The following SPEG variants were observed in gnomAD, a reference collection of about 807,000 sequenced individuals.
The protein encoded by SPEG is striated muscle preferentially expressed protein kinase.
SPEG carries 114 observed loss-of-function variants against 300.4 expected under a neutral mutation model. The observed-to-expected ratio is 0.38, with a 90% confidence interval of 0.33 to 0.44. SPEG has a LOEUF of 0.44. Ranked by LOEUF, SPEG falls within the 20% of genes least tolerant of loss-of-function variation. The pLI is 1.00. For missense variants in SPEG, 4,201 were observed against 4,586.2 expected (o/e 0.92, Z 2.43); for synonymous variants, 1,964 against 2,018.9 (o/e 0.97, Z 0.73).
At position 219,492,824 on chromosome 2, in the gene SPEG, G is replaced by T; in HGVS notation, c.*38G>T. The T allele has an allele frequency of 1.3e-6, 2 of 1,537,002 alleles. No individual in the cohort carries two copies. Among genetic ancestry groups the T allele is most frequent in the Non-Finnish European group, 1.7e-6 (2 of 1,145,332 alleles). On this transcript the variant is annotated 3_prime_UTR_variant, in exon 41 of 41. Transcript: ENST00000312358. ...CAGCCAGGCCTCGGGCTTCAACTGG[G>T]GTTCCCACCAATGCCACGGGACATT...
intron 6 of SPEG, among the ~76,000 whole-genome samples, chr2:219,456,514 CG>C (rs1311641362): frequency 6.6e-6 from 1 of 152,224 alleles, no homozygotes; most frequent in African/African-American, 2.4e-5. Context: ...GTACCTAGAA[CG>C]GGGGCCATCA....
chr2:219,437,065 GC>G (rs1385087613), intron 1 of SPEG, among the ~76,000 whole-genome samples: 1 of 152,074 alleles, frequency 6.6e-6, no homozygotes, highest in East Asian at 1.9e-4. Context: ...GACACTGTGG[GC>G]CAAAGATCAG....
At chr2:219,486,817 C>G (rs1186422388) in intron 31 of SPEG, among the ~76,000 whole-genome samples, 2 of 152,112 alleles carry the variant, frequency 1.3e-5, no homozygotes, top group Non-Finnish European at 2.9e-5. Context: ...CTCTCTCTCT[C>G]CCTGCTACCC....
chr2:219,490,169 C>T (rs1056239532), intron 36 of SPEG, among the ~76,000 whole-genome samples: 2 of 152,248 alleles, frequency 1.3e-5, no homozygotes, highest in African/African-American at 2.4e-5. Context: ...ATTAGCATCA[C>T]CCATTTCACA....
rs1179177859 is a variant in SPEG, at chr2:219,485,361, G to A, written c.7625G>A (p.Arg2542Gln). 3 of 1,606,202 alleles carry A rather than the reference G, an allele frequency of 1.9e-6. No individual in the cohort carries two copies. Among genetic ancestry groups the A allele is most frequent in the East Asian group, 2.2e-5 (1 of 44,508 alleles). ...GTCTTCACAGCCCCAGGGGAAAGCC[G>A]AAGCCGGCTCCGCTGGGGCTTCTCT... The part of the protein sequence containing the change: ...TSGSSAPGES[R>Q]SRLRWGFSRP... The change falls in exon 31 of 41, where the codon CGA becomes CAA. Residue 2542 changes from arginine to glutamine, a missense_variant. By Grantham distance (43) the Arg-to-Gln change is conservative. Transcript: ENST00000312358.
At position 219,445,907 on chromosome 2, in the gene SPEG, G is replaced by A. The variant is rs1044773046; in HGVS notation, c.815+746G>A. On this transcript the variant is annotated intron_variant, in intron 3 of 40. Transcript: ENST00000312358. The surrounding 1 kb of genome is among the most constrained non-coding windows in gnomAD (Gnocchi z 6.1). ...TGTCCCAGGAGGGGGTGTGAGGAGC[G>A]GAGGTGTTGGAGGCACTGGAGCCAT... is the stretch of plus-strand genomic sequence containing the variant. Among the ~76,000 whole-genome samples the A allele has an allele frequency of 5.3e-5, 8 of 152,158 alleles. No individual in the cohort carries two copies. Among genetic ancestry groups the A allele is most frequent in the Non-Finnish European group, 8.8e-5 (6 of 68,030 alleles).
intron 18 of SPEG, chr2:219,474,378 C>CAA (rs35320747): frequency 1.1e-4 from 11 of 98,920 alleles, no homozygotes; most frequent in Admixed American, 2.2e-4. Flanking sequence ...AACTCTGTCT[C>CAA]AAAAAAAAAA....
rs1251677933 is a variant in SPEG, at chr2:219,484,809, C to T, written c.7346C>T (p.Pro2449Leu). 3 of 1,490,006 alleles carry T rather than the reference C, an allele frequency of 2.0e-6. No homozygotes were observed. Among genetic ancestry groups the T allele is most frequent in the Non-Finnish European group, 2.7e-6 (3 of 1,128,830 alleles). The allele number at this position is 1,490,006 out of a possible 1,614,324, so 92.3% of individuals were successfully genotyped here. A position where few individuals can be genotyped will look rare whatever the true frequency, so the allele number is the denominator to read the frequency against. The part of the protein sequence containing the change: ...SEGGSSARGS[P>L]VLAMRRRLSF... ...GGCGGGAGCTCGGCGCGGGGCTCCC[C>T]GGTGCTGGCGATGCGCAGGCGGCTG... Residue 2449 changes from proline (P) to leucine (L), a missense_variant, in exon 30 of 41, where the codon CCG becomes CTG. Transcript: ENST00000312358.
intron 6 of SPEG, 116 bp from the exon 7 acceptor site, chr2:219,461,766 C>T (rs1328226753): frequency 2.6e-6 from 3 of 1,140,726 alleles, no homozygotes; most frequent in East Asian, 4.8e-5. Flanking sequence ...GAAGTCAGGG[C>T]AGGGCCGGCC....
At chr2:219,452,109 G>T (rs892317429) in intron 6 of SPEG, among the ~76,000 whole-genome samples, 10 of 152,320 alleles carry the variant, frequency 6.6e-5, no homozygotes, top group Non-Finnish European at 1.3e-4. Context: ...TCCCTGAACA[G>T]GGTCCTGTGG....
intron 1 of SPEG, among the ~76,000 whole-genome samples, chr2:219,437,012 C>A (rs1167770998): frequency 6.6e-6 from 1 of 152,108 alleles, no homozygotes; most frequent in Admixed American, 6.5e-5. Flanking sequence ...TTGGAAAGGA[C>A]CACAGAGAAC....
At chr2:219,465,851 G>A in intron 9 of SPEG, 1 of 615,896 alleles carries the variant, frequency 1.6e-6, no homozygotes, top group South Asian at 1.9e-5. Context: ...GTGCATGCAT[G>A]TGTGTGCATG....
chr2:219,480,301 C>T lies in SPEG; in HGVS notation c.5342+161C>T, dbSNP rs1274888536. Among the ~76,000 whole-genome samples the T allele has an allele frequency of 6.6e-6, 1 of 152,164 alleles. No homozygotes were observed. Among genetic ancestry groups the T allele is most frequent in the Non-Finnish European group, 1.5e-5 (1 of 68,002 alleles). ...CTCCTGCCCATGTTACTCCTTGCCC[C>T]TTGTGAGTCAGGGCTGCCCCATTCT... On this transcript the variant is annotated intron_variant, in intron 25 of 40. Transcript: ENST00000312358. This position sits in a 1 kb window ranked among gnomAD's most constrained non-coding sequence, Gnocchi z 5.3.
chr2:219,473,406 A>G lies in SPEG; in HGVS notation c.4148-98A>G. Reference sequence around the variant, plus strand: ...GAGCTTCAGCTTTCCCATCTGTAAAAACGGAACTCAAGTGTTGATGAGGGG... The same window carrying G: ...GAGCTTCAGCTTTCCCATCTGTAAAGACGGAACTCAAGTGTTGATGAGGGG... On this transcript the variant is annotated intron_variant, in intron 16 of 40. Coordinates refer to ENST00000312358, the MANE Select transcript of SPEG (RefSeq NM_005876.5). This position sits in a 1 kb window ranked among gnomAD's most constrained non-coding sequence, Gnocchi z 4.6. 4 of 1,215,998 alleles carry G rather than the reference A, an allele frequency of 3.3e-6. No homozygotes were observed. The South Asian group carries it at 5.3e-5, about 16-fold the overall frequency. 75.3% of individuals were successfully genotyped at this position (1,215,998 alleles called of 1,614,324 possible).
rs200692984 is a variant in SPEG, at chr2:219,490,803, G to C, written c.9232G>C (p.Gly3078Arg). ...QLLQGLDYLHGHHVLHLDIKP... is the reference protein window; with the variant it reads ...QLLQGLDYLHRHHVLHLDIKP... ...GCTACAAGGCCTGGACTACCTCCAC[G>C]GCCACCACGTGCTCCACCTAGACAT... Residue 3078 changes from glycine (G) to arginine (R), a missense_variant, in exon 38 of 41, where the codon GGC becomes CGC. Coordinates refer to ENST00000312358, the MANE Select transcript of SPEG (RefSeq NM_005876.5). 6.2e-7 allele frequency: 1 copy of C among 1,614,048 alleles called. No individual in the cohort carries two copies. Among genetic ancestry groups the C allele is most frequent in the Admixed American group, 1.7e-5 (1 of 60,020 alleles).
At position 219,451,402 on chromosome 2, in the gene SPEG, C is replaced by T. The variant is rs1222585063; in HGVS notation, c.2257+123C>T. On this transcript the variant is annotated intron_variant, in intron 5 of 40. Coordinates refer to ENST00000312358, the MANE Select transcript of SPEG (RefSeq NM_005876.5). This position sits in a 1 kb window ranked among gnomAD's most constrained non-coding sequence, Gnocchi z 6.4. ...GGAAAGAGGGGAATTATCCCCTCCA[C>T]GGGGGCTGCCCTGACTTGGGTGTGT... The T allele has an allele frequency of 7.5e-6, 10 of 1,332,026 alleles. No individual in the cohort carries two copies. Among genetic ancestry groups the T allele is most frequent in the East Asian group, 5.1e-5 (2 of 39,134 alleles). The allele number at this position is 1,332,026 out of a possible 1,614,324, so 82.5% of individuals were successfully genotyped here.
chr2:219,491,839 T>G lies in SPEG; in HGVS notation c.9431T>G (p.Ile3144Ser). ...KGEPIGSATD[I>S]WGAGVLTYIM... ...GAACCCATCGGCTCTGCCACGGACA[T>G]CTGGGGAGCGGGTGTGCTCACTTAC... is the stretch of plus-strand genomic sequence containing the variant. Residue 3144 changes from isoleucine (I) to serine (S), a missense_variant, in exon 39 of 41, where the codon ATC (isoleucine) becomes AGC (serine). By Grantham distance (142) the Ile-to-Ser change is moderately radical (BLOSUM62 -2). Coordinates refer to ENST00000312358, the MANE Select transcript of SPEG (RefSeq NM_005876.5). 6.2e-7 allele frequency: 1 copy of G among 1,612,384 alleles called. No homozygotes were observed. Among genetic ancestry groups the G allele is most frequent in the Non-Finnish European group, 8.5e-7 (1 of 1,179,326 alleles).
In SPEG at chr2:219,479,852, G is replaced by A; in HGVS notation, c.5155G>A (p.Asp1719Asn). The change falls in exon 24 of 41, where the codon GAT becomes AAT. Residue 1719 changes from aspartate to asparagine, a missense_variant. Transcript: ENST00000312358. The surrounding 1 kb of genome is among the most constrained non-coding windows in gnomAD (Gnocchi z 5.5). ...YLHQSHVLHL[D>N]VKPENLLVWD... is the part of the protein sequence containing the mutation. ...GCACCAGAGCCACGTGCTGCACCTC[G>A]ATGTCAAGGTGAGGTGGGGACTGGA... 1.2e-6 allele frequency: 2 copies of A among 1,614,084 alleles called. No individual in the cohort carries two copies. The highest frequency in any genetic ancestry group is 1.7e-6 in the Non-Finnish European group (2 of 1,180,000).
At position 219,458,503 on chromosome 2, in the gene SPEG, C is replaced by CT. The variant is rs1690376609; in HGVS notation, c.2441-3378dup. On this transcript the variant is annotated intron_variant, in intron 6 of 40. Transcript: ENST00000312358. The surrounding 1 kb of genome is among the most constrained non-coding windows in gnomAD (Gnocchi z 4.2). The stretch of plus-strand genomic sequence containing the variant: ...AATTCCGTGGGTGGGGCCCAGCACT[C>CT]TATGGTCTAAGGAGCCCTCCAGGTG... 6.6e-6 allele frequency among the ~76,000 whole-genome samples: 1 copy of CT among 152,096 alleles called. No homozygotes were observed. The highest frequency in any genetic ancestry group is 2.1e-4 in the South Asian group (1 of 4,832).
Sources: gnomAD v4.1 joint callset for allele counts (sites outside exome capture counted in the v4.1 genomes callset) on GRCh38, gnomAD v4.1.1 for gene constraint, Gnocchi (gnomAD v3.1) non-coding constraint, MANE v1.5 for transcripts, NCBI Gene and HGNC (gene_info 2026-07-23, HGNC 2026-07-21) for gene names.